Variants in NEIL3 observed in about 807,000 individuals in gnomAD.
NEIL3 encodes the protein endonuclease 8-like 3.
NEIL3 carries 48 observed loss-of-function variants against 57.5 expected under a neutral mutation model. The ratio of observed to expected loss-of-function variants is 0.83; its 90% CI spans 0.66 to 1.06. The LOEUF (loss-of-function observed/expected upper bound fraction) is 1.06. Among genes scored for constraint, NEIL3 ranks in the 50% least tolerant of loss-of-function variants. The pLI is 0.00. For missense variants in NEIL3, 717 were observed against 739.1 expected (o/e 0.97, Z 0.35); for synonymous variants, 261 against 253.2 (o/e 1.03, Z -0.29).
chr4:177,313,922 T>C (rs546761917), intron 1 of NEIL3, among the ~76,000 whole-genome samples: 1 of 152,300 alleles, frequency 6.6e-6, no homozygotes, highest in African/African-American at 2.4e-5. Flanking sequence ...AATGTGTATA[T>C]TTTGTTGTGC....
intron 1 of NEIL3, among the ~76,000 whole-genome samples, chr4:177,312,703 A>G (rs1044264741): frequency 1.3e-5 from 2 of 152,182 alleles, no homozygotes; most frequent in African/African-American, 4.8e-5. Flanking sequence ...ACCTTGATAG[A>G]AAGAGGCATT....
At chr4:177,341,089 T>C (rs558190800) in intron 5 of NEIL3, among the ~76,000 whole-genome samples, 1 of 152,264 alleles carries the variant, frequency 6.6e-6, no homozygotes, top group Non-Finnish European at 1.5e-5. Context: ...CTTCTAAAAA[T>C]AATCAGATTT....
chr4:177,371,021 G>T, the NEIL3 span, among the ~76,000 whole-genome samples: 1 of 152,178 alleles, frequency 6.6e-6, no homozygotes, highest in Non-Finnish European at 1.5e-5. Context: ...TGGGCACTTG[G>T]CATCTGTTTT....
At chr4:177,349,165 A>T (rs1021233591) in intron 6 of NEIL3, among the ~76,000 whole-genome samples, 2 of 151,238 alleles carry the variant, frequency 1.3e-5, no homozygotes, top group Non-Finnish European at 2.9e-5. Flanking sequence ...TACAGGCGTG[A>T]GCCACCGCGC....
At chr4:177,367,087 T>C (rs1178900132), downstream of NEIL3, among the ~76,000 whole-genome samples, 1 of 152,218 alleles carries the variant, frequency 6.6e-6, no homozygotes, top group Non-Finnish European at 1.5e-5. Context: ...TCTTGAAGCA[T>C]TTTTGTGACA....
intron 6 of NEIL3, among the ~76,000 whole-genome samples, chr4:177,346,943 A>G: frequency 6.6e-6 from 1 of 151,584 alleles, no homozygotes; most frequent in Admixed American, 6.6e-5. Flanking sequence ...TGGAGGTTGC[A>G]GTGAGCCGAG....
chr4:177,345,195 G>A (rs539676943), intron 6 of NEIL3, among the ~76,000 whole-genome samples: 1 of 152,176 alleles, frequency 6.6e-6, no homozygotes, highest in Non-Finnish European at 1.5e-5. Context: ...ACCTGGGAAG[G>A]ACAAGGAAGT....
At chr4:177,349,034 A>ATTTTTTTTTTTT (rs70938582) in intron 6 of NEIL3, among the ~76,000 whole-genome samples, 23 of 100,450 alleles carry the variant, frequency 2.3e-4, no homozygotes, top group African/African-American at 3.7e-4. Flanking sequence ...CACCTGGCTA[A>ATTTTTTTTTTTT]TTTTTTTTTT....
intron 1 of NEIL3, among the ~76,000 whole-genome samples, chr4:177,310,478 C>G (rs745538014): frequency 1.1e-4 from 16 of 152,188 alleles, no homozygotes; most frequent in Non-Finnish European, 2.2e-4. Flanking sequence ...GATATGTTTT[C>G]TTCGTCCCAT....
the NEIL3 span, among the ~76,000 whole-genome samples, chr4:177,370,757 C>T: frequency 2.6e-5 from 4 of 151,962 alleles, no homozygotes; most frequent in African/African-American, 4.8e-5. Context: ...AAAAACTAGT[C>T]TGGTGTGGTG....
chr4:177,315,045 G>A (rs968320080), intron 1 of NEIL3, among the ~76,000 whole-genome samples: 2 of 147,460 alleles, frequency 1.4e-5, no homozygotes, highest in African/African-American at 2.5e-5. Flanking sequence ...CTCGAGCCTG[G>A]GCAACAGAGC....
Position 177,353,570 on chromosome 4 carries a change from G to C in NEIL3, c.1302G>C (p.Lys434Asn), listed in dbSNP as rs936299518. ...TGAATGATATACAGCACCCCTCCAA[G>C]AAGACAACAAACGATATAACTCAAC... ...VCLNDIQHPS[K>N]KTTNDITQPS... Residue 434 changes from lysine to asparagine, a missense_variant, in exon 8 of 10, where the codon AAG (lysine) becomes AAC (asparagine). Coordinates refer to ENST00000264596, the MANE Select transcript of NEIL3 (RefSeq NM_018248.3). 1 of 1,612,794 alleles carries C rather than the reference G, an allele frequency of 6.2e-7. No homozygotes were observed. The highest frequency in any genetic ancestry group is 1.7e-5 in the Admixed American group (1 of 59,838).
chr4:177,314,302 G>A (rs1296211873), intron 1 of NEIL3, among the ~76,000 whole-genome samples: 1 of 152,138 alleles, frequency 6.6e-6, no homozygotes, highest in Non-Finnish European at 1.5e-5. Flanking sequence ...ATTTTCCATG[G>A]CCATTGTAGC....
chr4:177,370,462 C>T, the NEIL3 span, among the ~76,000 whole-genome samples: 9 of 152,060 alleles, frequency 5.9e-5, no homozygotes, highest in Non-Finnish European at 1.2e-4. Context: ...GAAATCTATT[C>T]GAGAAGGGGT....
At chr4:177,318,521 A>G (rs552873842) in intron 1 of NEIL3, among the ~76,000 whole-genome samples, 1 of 152,322 alleles carries the variant, frequency 6.6e-6, no homozygotes, top group South Asian at 2.1e-4. Flanking sequence ...GGAAATTGGC[A>G]AAGTTTTCAG....
chr4:177,316,837 AC>A (rs1734582863), intron 1 of NEIL3, among the ~76,000 whole-genome samples: 1 of 152,234 alleles, frequency 6.6e-6, no homozygotes, highest in South Asian at 2.1e-4. Flanking sequence ...TTTAGAAAAT[AC>A]TATGCGAAAT....
chr4:177,367,313 G>T (rs988540075), downstream of NEIL3, among the ~76,000 whole-genome samples: 1 of 152,146 alleles, frequency 6.6e-6, no homozygotes, highest in African/African-American at 2.4e-5. Flanking sequence ...GAGGTTTAGT[G>T]TGTAGGTTCT....
intron 1 of NEIL3, among the ~76,000 whole-genome samples, chr4:177,319,902 A>G (rs1734645696): frequency 6.6e-6 from 1 of 152,182 alleles, no homozygotes; most frequent in Admixed American, 6.5e-5. Context: ...AGAATGTTGG[A>G]AAAAGATAAG....
At chr4:177,340,238 A>G (rs1735065475) in intron 5 of NEIL3, among the ~76,000 whole-genome samples, 1 of 152,290 alleles carries the variant, frequency 6.6e-6, no homozygotes, top group East Asian at 1.9e-4. Flanking sequence ...GGTTCAATCA[A>G]GCTTTGCCAC....
Sources: allele counts gnomAD v4.1 joint callset (sites outside exome capture counted in the v4.1 genomes callset), GRCh38; gene constraint gnomAD v4.1.1; transcripts MANE v1.5; gene names NCBI Gene and HGNC (gene_info 2026-07-23, HGNC 2026-07-21).